DUSP3: variants seen among roughly 807,000 people sequenced by gnomAD.
DUSP3 encodes the protein dual specificity protein phosphatase 3.
DUSP3 carries 7 observed loss-of-function variants against 15.5 expected under a neutral mutation model. The observed-to-expected ratio is 0.45, with a 90% CI of 0.26 to 0.85. DUSP3 has a LOEUF of 0.85. Ranked by LOEUF, DUSP3 falls within the 40% of genes least tolerant of loss-of-function variation. DUSP3 has a pLI of 0.18. For synonymous variants in DUSP3, 86 were observed against 104.2 expected, an observed-to-expected ratio of 0.83 and a Z score of 1.07; for missense variants, 209 against 251.7, an observed-to-expected ratio of 0.83 and a Z score of 1.15.
intron 1 of DUSP3, among the ~76,000 whole-genome samples, 196 bp downstream of exon 1, chr17:43,778,604 G>T (rs1418462628): frequency 1.3e-5 from 2 of 152,166 alleles, no homozygotes; most frequent in African/African-American, 4.8e-5. Context: ...CGGCCAGGCA[G>T]GGTTCCAGTT....
intron 1 of DUSP3, among the ~76,000 whole-genome samples, chr17:43,775,230 C>T (rs8077582): frequency 3.2e-4 from 48 of 152,280 alleles, no homozygotes; most frequent in African/African-American, 1.1e-3. Flanking sequence ...TCACACCCTC[C>T]GCAGTGTTTG....
chr17:43,776,362 G>A (rs748182687), intron 1 of DUSP3, among the ~76,000 whole-genome samples: 5 of 152,236 alleles, frequency 3.3e-5, no homozygotes, highest in Non-Finnish European at 7.3e-5. Flanking sequence ...CACAGGCCCC[G>A]TGTGCTGCTG....
intron 1 of DUSP3, 93 bp from the exon 2 acceptor site, chr17:43,775,031 C>T: frequency 7.7e-7 from 1 of 1,304,388 alleles, no homozygotes; most frequent in Non-Finnish European, 1.1e-6. Context: ...CTTAGCAAAG[C>T]AAGGAAACCC....
intron 1 of DUSP3, chr17:43,777,573 T>C (rs1356996486): frequency 6.6e-6 from 3 of 455,720 alleles, no homozygotes; most frequent in South Asian, 4.7e-5. Context: ...TCACACACTC[T>C]GAGCCACCAT....
Position 43,768,104 on chromosome 17 carries a change from T to C in DUSP3, c.*1505A>G, listed in dbSNP as rs2154590592. On this transcript the variant is annotated 3_prime_UTR_variant, in exon 3 of 3. Coordinates refer to ENST00000226004, the MANE Select transcript of DUSP3 (RefSeq NM_004090.4). ...CCATGAATTCAGTCTTCTGGGAGCGTGACACACCCACCAGAACAATGCCCT... is the reference window on the plus strand; with the variant it reads ...CCATGAATTCAGTCTTCTGGGAGCGCGACACACCCACCAGAACAATGCCCT... 6.6e-6 allele frequency: 1 copy of C among 152,306 alleles called. No individual in the cohort carries two copies. Among genetic ancestry groups the C allele is most frequent in the Non-Finnish European group, 1.5e-5 (1 of 68,024 alleles). 9.4% of individuals were successfully genotyped at this position (152,306 alleles called of 1,614,324 possible).
In DUSP3 at chr17:43,778,799, C is replaced by G. The variant is rs1427597925; in HGVS notation, c.125+1G>C. 1 of 1,530,526 alleles carries G rather than the reference C, an allele frequency of 6.5e-7. No individual in the cohort carries two copies. The allele number at this position is 1,530,526 out of a possible 1,614,324, so 94.8% of individuals were successfully genotyped here. ...GGGCCGGGCTCGCGAAAGGGACTCA[C>G]GCGTTGCCCACGTAGATCCGCGGGG... On this transcript the variant is annotated splice_donor_variant, in intron 1 of 2. Transcript: ENST00000226004. LOFTEE classifies it high-confidence loss of function.
intron 1 of DUSP3, chr17:43,777,396 T>C (rs1974402717): frequency 2.5e-6 from 1 of 403,292 alleles, no homozygotes; most frequent in Non-Finnish European, 5.0e-6. Flanking sequence ...GAATGAATGA[T>C]GGAATGGATG....
rs576608413 is a variant in DUSP3 at position 43,766,548 on chromosome 17, A to G, written c.*3061T>C. 4.6e-5 allele frequency: 7 copies of G among 152,268 alleles called. No homozygotes were observed. In the South Asian group the frequency reaches 1.2e-3, roughly 27 times the overall value. The allele number at this position is 152,268 out of a possible 1,614,324, so 9.4% of individuals were successfully genotyped here. ...GTAGCATCTTAACTTGTGGCACAAA[A>G]GGCACCAACATTCCCTTTCCAAACC... On this transcript the variant is annotated 3_prime_UTR_variant, in exon 3 of 3. Coordinates refer to ENST00000226004, the MANE Select transcript of DUSP3 (RefSeq NM_004090.4).
At chr17:43,774,597 C>T (rs1464893690) in intron 2 of DUSP3, 115 bp downstream of exon 2, 1 of 1,181,286 alleles carries the variant, frequency 8.5e-7, no homozygotes, top group Non-Finnish European at 1.2e-6. Context: ...GTCGTTCACC[C>T]CAGAAGATGG....
chr17:43,770,566 A>G (rs1974303301), intron 2 of DUSP3, among the ~76,000 whole-genome samples: 1 of 151,688 alleles, frequency 6.6e-6, no homozygotes, highest in Non-Finnish European at 1.5e-5. Flanking sequence ...CTGAGGCCAG[A>G]GAATTGCTTG....
At position 43,778,909 on chromosome 17, in the gene DUSP3, C is replaced by G. The variant is rs1555575968; in HGVS notation, c.16G>C (p.Glu6Gln). The change falls in exon 1 of 3, where the codon GAG becomes CAG. Residue 6 changes from glutamate (E) to glutamine (Q), a missense_variant. Coordinates refer to ENST00000226004, the MANE Select transcript of DUSP3 (RefSeq NM_004090.4). MSGSF[E>Q]LSVQDLNDLL... ...TCGTTGAGATCCTGCACCGAGAGCT[C>G]GAACGAGCCCGACATGGCGGCGGCG... is the stretch of plus-strand genomic sequence containing the variant. 2.0e-6 allele frequency: 3 copies of G among 1,472,866 alleles called. No homozygotes were observed. The highest frequency in any genetic ancestry group is 2.0e-4 in the Middle Eastern group (1 of 4,960). 91.2% of individuals were successfully genotyped at this position (1,472,866 alleles called of 1,614,324 possible).
Position 43,778,831 on chromosome 17 carries a change from C to A in DUSP3, c.94G>T (p.Glu32Ter). ...CYSLPSQPCNEVTPRIYVGNA... is the reference protein window; with the variant it reads ...CYSLPSQPCN Reference sequence around the variant, plus strand: ...CCCACGTAGATCCGCGGGGTGACCTCGTTGCAGGGCTGGCTCGGGAGGCTG... The same window carrying A: ...CCCACGTAGATCCGCGGGGTGACCTAGTTGCAGGGCTGGCTCGGGAGGCTG... Residue 32 changes from glutamate to a stop codon, truncating the protein, a stop_gained, in exon 1 of 3, where the codon GAG becomes TAG. Transcript: ENST00000226004. LOFTEE classifies it high-confidence loss of function. The A allele has an allele frequency of 6.5e-7, 1 of 1,536,034 alleles. No individual in the cohort carries two copies. The highest frequency in any genetic ancestry group is 8.7e-7 in the Non-Finnish European group (1 of 1,143,510).
intron 2 of DUSP3, 144 bp downstream of exon 2, chr17:43,774,566 CAG>C (rs1567782462): frequency 4.5e-6 from 4 of 885,482 alleles, no homozygotes; most frequent in Non-Finnish European, 5.3e-6. Context: ...GCCAGGTGAG[CAG>C]AGAGAGACCT....
chr17:43,777,692 T>G, intron 1 of DUSP3: 1 of 377,428 alleles, frequency 2.6e-6, no homozygotes. Context: ...CAGAGTATCG[T>G]GAAAATCCAA....
intron 2 of DUSP3, 144 bp downstream of exon 2, chr17:43,774,568 G>A (rs1260352759): frequency 1.1e-5 from 10 of 904,138 alleles, no homozygotes; most frequent in Non-Finnish European, 1.7e-5. Flanking sequence ...CAGGTGAGCA[G>A]AGAGAGACCT....
At chr17:43,774,414 C>A (rs1384266376) in intron 2 of DUSP3, among the ~76,000 whole-genome samples, 1 of 152,174 alleles carries the variant, frequency 6.6e-6, no homozygotes, top group Non-Finnish European at 1.5e-5. Context: ...TCTTCCTCAT[C>A]GTTACAGCTG....
intron 1 of DUSP3, chr17:43,778,214 C>T (rs979862906): frequency 4.6e-5 from 7 of 152,554 alleles, no homozygotes; most frequent in Admixed American, 3.9e-4. Context: ...CTGGACCGTT[C>T]TAGAATCTCC....
intron 2 of DUSP3, among the ~76,000 whole-genome samples, 186 bp downstream of exon 2, chr17:43,774,526 C>T (rs566356363): frequency 6.6e-6 from 1 of 152,162 alleles, no homozygotes; most frequent in Non-Finnish European, 1.5e-5. Flanking sequence ...AGTTGCACAT[C>T]CTGTGACACA....
Position 43,770,822 on chromosome 17 carries a change from G to A in DUSP3, c.353-1008C>T, listed in dbSNP as rs753899616. On this transcript the variant is annotated intron_variant, in intron 2 of 2. Transcript: ENST00000226004. ...TGCCCAGGCTGGAGTGCAGTGGCGC[G>A]ATCTCGGCTCACTTCAGCCTCCGCC... Among the ~76,000 whole-genome samples, 17 of 151,294 alleles carry A rather than the reference G, an allele frequency of 1.1e-4. No individual in the cohort carries two copies. The Middle Eastern group carries it at 0.01, about 91-fold the overall frequency.
Sources: gnomAD v4.1 joint callset for allele counts (sites outside exome capture counted in the v4.1 genomes callset) on GRCh38, gnomAD v4.1.1 for gene constraint, MANE v1.5 for transcripts, NCBI Gene and HGNC (gene_info 2026-07-23, HGNC 2026-07-21) for gene names.